The following ILDR2 variants were observed in gnomAD, a reference collection of about 807,000 sequenced individuals.
ILDR2 encodes the protein immunoglobulin-like domain-containing receptor 2.
A neutral mutation model predicts 66.8 loss-of-function variants in ILDR2; 25 were observed. The ratio of observed to expected loss-of-function variants is 0.37; its 90% CI spans 0.27 to 0.52. The LOEUF is 0.52. ILDR2 is among the 20% of genes least tolerant of loss of function. ILDR2 has a pLI of 0.88. For synonymous variants in ILDR2, 367 were observed against 357.2 expected (o/e 1.03, Z -0.31); for missense variants, 827 against 876.8 (o/e 0.94, Z 0.72).
At chr1:166,922,524 C>A in intron 8 of ILDR2, 69 bp downstream of exon 8, 1 of 1,292,448 alleles carries the variant, frequency 7.7e-7, no homozygotes, top group South Asian at 1.2e-5. Context: ...TCTTCCTTGC[C>A]TCCGATCTAC....
At chr1:166,948,431 T>C (rs1661768763) in intron 3 of ILDR2, among the ~76,000 whole-genome samples, 1 of 152,196 alleles carries the variant, frequency 6.6e-6, no homozygotes, top group African/African-American at 2.4e-5. Context: ...AGTCCAGTGT[T>C]CTTCAGATCC....
At chr1:166,969,222 A>G (rs10465566) in intron 1 of ILDR2, among the ~76,000 whole-genome samples, 25,981 of 152,006 alleles carry the variant, frequency 0.17, 2,447 homozygotes, top group African/African-American at 0.23. Context: ...AGGCAAGGGC[A>G]TGGAAGGAGT....
chr1:166,902,304 T>TCTGAATC (rs1408869455), intron 2 of ILDR2, among the ~76,000 whole-genome samples: 3 of 152,244 alleles, frequency 2.0e-5, no homozygotes, highest in Non-Finnish European at 4.4e-5. Flanking sequence ...TAACATAAAC[T>TCTGAATC]CTGAATCAAC....
chr1:166,903,617 G>A (rs1207064192), downstream of ILDR2, among the ~76,000 whole-genome samples: 1 of 152,182 alleles, frequency 6.6e-6, no homozygotes, highest in Admixed American at 6.5e-5. Context: ...GAGATTTGGG[G>A]AGGGTGCCTA....
In ILDR2 at chr1:166,940,439, AT is replaced by A. The variant is rs369078719; in HGVS notation, c.500-870del. ...GTTATGAACTTCTGCCCCTGACATT[AT>A]ATCTCTAAACTAGTAGTACCATAAA... On this transcript the variant is annotated intron_variant, in intron 3 of 9. Transcript: ENST00000271417. Among the ~76,000 whole-genome samples the A allele has an allele frequency of 2.1e-3, 321 of 152,306 alleles. 3 individuals are homozygous for A. Among genetic ancestry groups the A allele is most frequent in the Non-Finnish European group, 2.8e-3 (191 of 68,038 alleles).
chr1:166,935,110 A>G (rs1205053918), intron 6 of ILDR2, among the ~76,000 whole-genome samples, 191 bp downstream of exon 6: 1 of 152,226 alleles, frequency 6.6e-6, no homozygotes, highest in Non-Finnish European at 1.5e-5. Flanking sequence ...AGGGGTCAGC[A>G]ATGTCCTGCA....
rs1571092907 is a variant in ILDR2, at chr1:166,917,426, G to A, written c.*1929C>T. On this transcript the variant is annotated 3_prime_UTR_variant, in exon 10 of 10. Coordinates refer to ENST00000271417, the MANE Select transcript of ILDR2 (RefSeq NM_199351.3). ...AATAGGGTCTAGCCCCAGTAGGGTG[G>A]CTCTGGAGAAGACCAAAAGGATGGT... 6.6e-6 allele frequency: 1 copy of A among 152,224 alleles called. No individual in the cohort carries two copies. The highest frequency in any genetic ancestry group is 2.4e-5 in the African/African-American group (1 of 41,448). The allele number at this position is 152,224 out of a possible 1,614,324, so 9.4% of individuals were successfully genotyped here. A position where few individuals can be genotyped will look rare whatever the true frequency, so the allele number is the denominator to read the frequency against.
rs1309744805 is a variant in ILDR2 at position 166,975,333 on chromosome 1, C to A, written c.-65G>T. 2.1e-6 allele frequency: 3 copies of A among 1,446,868 alleles called. No individual in the cohort carries two copies. The highest frequency in any genetic ancestry group is 1.4e-5 in the African/African-American group (1 of 70,024). 89.6% of individuals were successfully genotyped at this position (1,446,868 alleles called of 1,614,324 possible). A position where few individuals can be genotyped will look rare whatever the true frequency, so the allele number is the denominator to read the frequency against. ...TGGGAAATGGCTGGAACAGAAGGATCGCTGTCACCCCGCGGCAGCGGGCGG... is the reference window on the plus strand; with the variant it reads ...TGGGAAATGGCTGGAACAGAAGGATAGCTGTCACCCCGCGGCAGCGGGCGG... On this transcript the variant is annotated 5_prime_UTR_variant, in exon 1 of 10. Coordinates refer to ENST00000271417, the MANE Select transcript of ILDR2 (RefSeq NM_199351.3).
chr1:166,906,316 G>A (rs1453684573), downstream of ILDR2, among the ~76,000 whole-genome samples: 1 of 152,224 alleles, frequency 6.6e-6, no homozygotes, highest in Non-Finnish European at 1.5e-5. Context: ...ATTGAACATG[G>A]TGACAGGGCG....
chr1:166,924,544 A>C (rs1461736805), intron 7 of ILDR2, among the ~76,000 whole-genome samples: 1 of 152,214 alleles, frequency 6.6e-6, no homozygotes, highest in African/African-American at 2.4e-5. Context: ...CCACAATGTA[A>C]CTCTAGGATA....
rs1326879124 is a variant in ILDR2, at chr1:166,908,450, G to A, written c.*10905C>T. 1 of 152,166 alleles carries A rather than the reference G, an allele frequency of 6.6e-6. No individual in the cohort carries two copies. The allele number at this position is 152,166 out of a possible 1,614,324, so 9.4% of individuals were successfully genotyped here. On this transcript the variant is annotated 3_prime_UTR_variant, in exon 10 of 10. Transcript: ENST00000271417. ...CTCATGCCCAAATACCATCACATTA[G>A]GATTAGGATTTTGACATAAAAATTT...
intron 3 of ILDR2, among the ~76,000 whole-genome samples, chr1:166,946,123 A>G (rs1021558478): frequency 5.3e-4 from 80 of 152,278 alleles, no homozygotes; most frequent in African/African-American, 1.9e-3. Flanking sequence ...TTCTATGGCT[A>G]TGCTTTTAAG....
At position 166,927,069 on chromosome 1, in the gene ILDR2, C is replaced by G; in HGVS notation, c.992G>C (p.Arg331Thr). ...ACAGAAAACTAACAGATGCTCACAT[C>G]TGCCTCTCATCCTTCTGGCTGGATC... ...QFDPARRMRG[R>T]YNNTISELSS... The change falls in exon 7 of 10, where the codon AGA (arginine) becomes ACA (threonine). Residue 331 changes from arginine (R) to threonine (T), a missense_variant and splice_region_variant. By Grantham distance (71) the Arg-to-Thr change is moderately conservative. Coordinates refer to ENST00000271417, the MANE Select transcript of ILDR2 (RefSeq NM_199351.3). 1.2e-6 allele frequency: 2 copies of G among 1,601,232 alleles called. No homozygotes were observed. Among genetic ancestry groups the G allele is most frequent in the South Asian group, 1.1e-5 (1 of 89,996 alleles).
At chr1:166,965,133 T>C (rs1229403170) in intron 1 of ILDR2, among the ~76,000 whole-genome samples, 3 of 152,220 alleles carry the variant, frequency 2.0e-5, no homozygotes, top group Non-Finnish European at 2.9e-5. Flanking sequence ...TTCCTCAGCA[T>C]ACCTTGGCCT....
Position 166,939,273 on chromosome 1 carries a change from A to G in ILDR2, c.556+241T>C, listed in dbSNP as rs572463364. Reference sequence around the variant, plus strand: ...GATTGCCAAAGAGCCTGCATGCCTGACACTGAAGGACTGGGTTGCCATCTC... The same window carrying G: ...GATTGCCAAAGAGCCTGCATGCCTGGCACTGAAGGACTGGGTTGCCATCTC... On this transcript the variant is annotated intron_variant, in intron 4 of 9. Coordinates refer to ENST00000271417, the MANE Select transcript of ILDR2 (RefSeq NM_199351.3). Among the ~76,000 whole-genome samples the G allele has an allele frequency of 5.9e-5, 9 of 152,346 alleles. No homozygotes were observed. The South Asian group carries it at 1.9e-3, about 32-fold the overall frequency.
chr1:166,944,411 A>G (rs889911460), intron 3 of ILDR2, among the ~76,000 whole-genome samples: 3 of 152,184 alleles, frequency 2.0e-5, no homozygotes, highest in African/African-American at 4.8e-5. Context: ...CACAGAACTC[A>G]GCTTTAGTTA....
chr1:166,974,080 G>A (rs998538041), intron 1 of ILDR2, among the ~76,000 whole-genome samples: 3 of 152,144 alleles, frequency 2.0e-5, no homozygotes, highest in African/African-American at 7.2e-5. Context: ...CCTTTGCCTA[G>A]TGCCTTGATT....
chr1:166,921,543 C>T lies in ILDR2; in HGVS notation c.1212-164G>A, dbSNP rs1659943444. ...GAAGCATTCCAGGCTCCTCTCACAC[C>T]CCAGAACGTCAAGTAGGGGCAACCG... is the stretch of plus-strand genomic sequence containing the variant. On this transcript the variant is annotated intron_variant, in intron 8 of 9. Transcript: ENST00000271417. The surrounding 1 kb of genome is among the most constrained non-coding windows in gnomAD (Gnocchi z 5.3). Among the ~76,000 whole-genome samples, 1 of 152,190 alleles carries T rather than the reference C, an allele frequency of 6.6e-6. No individual in the cohort carries two copies. The highest frequency in any genetic ancestry group is 1.5e-5 in the Non-Finnish European group (1 of 68,028).
Position 166,927,140 on chromosome 1 carries a change from G to T in ILDR2, c.921C>A (p.Asp307Glu). 1 of 1,613,820 alleles carries T rather than the reference G, an allele frequency of 6.2e-7. No homozygotes were observed. Among genetic ancestry groups the T allele is most frequent in the Non-Finnish European group, 8.5e-7 (1 of 1,179,872 alleles). ...CAACATAGTACAGGACCTTCATGGA[G>T]TCTCTCTCTTTGTCAGCCTGGATCC... ...GYRIQADKER[D>E]SMKVLYYVEK... is the part of the protein sequence containing the mutation. Residue 307 changes from aspartate (D) to glutamate (E), a missense_variant, in exon 7 of 10, where the codon GAC becomes GAA. Transcript: ENST00000271417.
Sources: allele counts gnomAD v4.1 joint callset (sites outside exome capture counted in the v4.1 genomes callset), GRCh38; gene constraint gnomAD v4.1.1; non-coding constraint Gnocchi (gnomAD v3.1); transcripts MANE v1.5; gene names NCBI Gene and HGNC (gene_info 2026-07-23, HGNC 2026-07-21).